Variants in CYRIB observed in about 807,000 individuals in gnomAD.
The protein encoded by CYRIB is CYFIP related Rac1 interactor B.
In CYRIB, 8 loss-of-function variants were observed where a neutral mutation model predicts 44.2. The ratio of observed to expected loss-of-function variants is 0.18; its 90% CI spans 0.11 to 0.33. CYRIB has a LOEUF of 0.33. CYRIB is among the 10% of genes least tolerant of loss of function. The pLI, the probability that CYRIB is intolerant of heterozygous loss-of-function variation, is 1.00. For missense variants in CYRIB, 185 were observed against 382.8 expected (o/e 0.48, Z 4.31); for synonymous variants, 131 against 127.2 (o/e 1.03, Z -0.20).
chr8:129,896,370 T>A (rs2068049324), intron 2 of CYRIB, among the ~76,000 whole-genome samples: 1 of 152,110 alleles, frequency 6.6e-6, no homozygotes, highest in Non-Finnish European at 1.5e-5. Flanking sequence ...AAATACAAGA[T>A]CTATAAACAT....
At chr8:129,965,774 C>T (rs182946236) in intron 2 of CYRIB, among the ~76,000 whole-genome samples, 267 of 150,798 alleles carry the variant, frequency 1.8e-3, no homozygotes, top group African/African-American at 6.1e-3. Context: ...CCAGCCTGGG[C>T]GACAGAGCAA....
exon 12 of CYRIB, chr8:129,841,052 C>T (rs2036069531): frequency 6.6e-6 from 1 of 152,054 alleles, no homozygotes; most frequent in African/African-American, 2.4e-5. Context: ...AAACTGAAAC[C>T]TGTTAGTTTT....
intron 2 of CYRIB, among the ~76,000 whole-genome samples, chr8:129,881,441 T>C (rs1478604350): frequency 6.6e-6 from 1 of 152,224 alleles, no homozygotes; most frequent in Admixed American, 6.5e-5. Context: ...CCACTCACTC[T>C]CATTATAAGA....
intron 5 of CYRIB, among the ~76,000 whole-genome samples, chr8:129,857,895 C>A (rs930939018): frequency 6.6e-6 from 1 of 152,194 alleles, no homozygotes; most frequent in East Asian, 1.9e-4. Context: ...TATCAAGTCT[C>A]AGGGTTAATT....
rs546382802 is a variant in CYRIB, at chr8:129,982,180, C to G, written c.-295-11185G>C. Among the ~76,000 whole-genome samples, 8 of 152,312 alleles carry G rather than the reference C, an allele frequency of 5.3e-5. No individual in the cohort carries two copies. The South Asian group carries it at 1.7e-3, about 32-fold the overall frequency. ...AACAGGATCAGACAGCCTGGTCACA[C>G]TTTCCCCTTCTCTAACTGTCCTCCA... On this transcript the variant is annotated intron_variant, in intron 1 of 14. Coordinates refer to the CYRIB transcript ENST00000401979.
chr8:129,957,785 G>T (rs1159996390), intron 2 of CYRIB, among the ~76,000 whole-genome samples: 1 of 151,854 alleles, frequency 6.6e-6, no homozygotes, highest in East Asian at 1.9e-4. Context: ...CTAACATGGT[G>T]AAACCCCGTC....
At chr8:129,907,128 C>T (rs1288453161) in intron 1 of CYRIB, among the ~76,000 whole-genome samples, 1 of 152,202 alleles carries the variant, frequency 6.6e-6, no homozygotes, top group Non-Finnish European at 1.5e-5. Context: ...ACAAATCATG[C>T]TGCTATAAAG....
intron 1 of CYRIB, among the ~76,000 whole-genome samples, chr8:129,974,382 T>C (rs2095835025): frequency 6.6e-6 from 1 of 152,144 alleles, no homozygotes; most frequent in African/African-American, 2.4e-5. Context: ...AAACCCTTAA[T>C]GTTTGCAAGT....
chr8:129,891,958 A>G lies in CYRIB; in HGVS notation c.-11+11354T>C, dbSNP rs146853583. On this transcript the variant is annotated intron_variant, in intron 2 of 11. Coordinates refer to ENST00000519824, the Ensembl canonical transcript of CYRIB. The stretch of plus-strand genomic sequence containing the variant: ...CTTACATGGAAGTGAAACACAATAA[A>G]ATAGTATTAGATCAGATTGTCATGG... 4.6e-4 allele frequency among the ~76,000 whole-genome samples: 70 copies of G among 152,328 alleles called. No individual in the cohort carries two copies. In the South Asian group the frequency reaches 0.01, roughly 22 times the overall value.
At chr8:129,905,746 G>T (rs1368446414) in intron 1 of CYRIB, among the ~76,000 whole-genome samples, 1 of 152,118 alleles carries the variant, frequency 6.6e-6, no homozygotes, top group Non-Finnish European at 1.5e-5. Flanking sequence ...GTGCCACTTT[G>T]CATAAAATCA....
rs946923254 is a variant in CYRIB, at chr8:129,849,146, G to T, written c.840+97C>A. On this transcript the variant is annotated intron_variant, in intron 10 of 11. Transcript: ENST00000519824. ...TTCACAAACTATAAATCTGAGTTTTGTGAGAGTCCGGTTTGCTGGCTCTTA... is the reference window on the plus strand; with the variant it reads ...TTCACAAACTATAAATCTGAGTTTTTTGAGAGTCCGGTTTGCTGGCTCTTA... 2.6e-6 allele frequency: 3 copies of T among 1,174,884 alleles called. No homozygotes were observed. The African/African-American group carries it at 4.6e-5, about 18-fold the overall frequency. 72.8% of individuals were successfully genotyped at this position (1,174,884 alleles called of 1,614,324 possible).
chr8:129,933,870 A>T (rs1049970275), intron 1 of CYRIB, among the ~76,000 whole-genome samples: 2 of 150,668 alleles, frequency 1.3e-5, no homozygotes, highest in African/African-American at 4.9e-5. Context: ...TGACAGAGTA[A>T]GACTCTGTCA....
chr8:129,870,479 C>G (rs1168066226), intron 4 of CYRIB, among the ~76,000 whole-genome samples: 2 of 152,204 alleles, frequency 1.3e-5, no homozygotes, highest in African/African-American at 4.8e-5. Flanking sequence ...GGTCAATCAC[C>G]AACACATGTT....
At chr8:129,910,471 C>A (rs2077355111) in intron 1 of CYRIB, among the ~76,000 whole-genome samples, 1 of 123,110 alleles carries the variant, frequency 8.1e-6, no homozygotes, top group African/African-American at 3.1e-5. Context: ...GTGGTGCCTT[C>A]TTTCACTTTT....
chr8:129,921,454 G>A (rs550497379), intron 1 of CYRIB, among the ~76,000 whole-genome samples: 2 of 152,302 alleles, frequency 1.3e-5, no homozygotes, highest in South Asian at 4.1e-4. Context: ...TGGTTTCAAA[G>A]TATCACCAAA....
intron 2 of CYRIB, among the ~76,000 whole-genome samples, chr8:129,968,226 C>T (rs10092658): frequency 0.046 from 7,068 of 152,272 alleles, 170 homozygotes; most frequent in Middle Eastern, 0.068. Context: ...TAACTGTCAT[C>T]GTCTCTCAGC....
At chr8:130,006,326 A>C (rs1177155809) in intron 1 of CYRIB, among the ~76,000 whole-genome samples, 2 of 150,424 alleles carry the variant, frequency 1.3e-5, no homozygotes, top group Non-Finnish European at 1.5e-5. Context: ...AAGAAAAAGA[A>C]TCTGGCTTGC....
At chr8:129,862,197 G>A in intron 5 of CYRIB, 32 bp downstream of exon 7, 1 of 1,418,404 alleles carries the variant, frequency 7.1e-7, no homozygotes, top group South Asian at 1.2e-5. Context: ...TTTTTCACTA[G>A]GGAAGTCACA....
intron 1 of CYRIB, among the ~76,000 whole-genome samples, chr8:129,927,134 CA>C (rs563411780): frequency 2.0e-5 from 3 of 149,966 alleles, no homozygotes; most frequent in East Asian, 1.9e-4. Context: ...AATACACACA[CA>C]AAAAAAAATA....
Sources: allele counts gnomAD v4.1 joint callset (sites outside exome capture counted in the v4.1 genomes callset), GRCh38; gene constraint gnomAD v4.1.1; transcripts MANE v1.5; gene names NCBI Gene and HGNC (gene_info 2026-07-23, HGNC 2026-07-21).